The following COL23A1 variants were observed in gnomAD, a reference collection of about 807,000 sequenced individuals.
COL23A1 encodes the protein collagen type XXIII alpha 1 chain.
In COL23A1, 97 loss-of-function variants were observed where a neutral mutation model predicts 99.3. That is an observed-to-expected ratio of 0.98 (90% CI 0.83 to 1.16). COL23A1 has a LOEUF of 1.16. Ranked by LOEUF, COL23A1 falls within the 50% of genes most tolerant of loss-of-function variation. The pLI is 0.00. For missense variants in COL23A1, 762 were observed against 757.4 expected (o/e 1.01, Z -0.07); for synonymous variants, 320 against 308.2 (o/e 1.04, Z -0.40).
At chr5:178,291,085 C>T (rs1441405664) in intron 3 of COL23A1, among the ~76,000 whole-genome samples, 1 of 152,204 alleles carries the variant, frequency 6.6e-6, no homozygotes, top group Non-Finnish European at 1.5e-5. Flanking sequence ...TTGTGTGGGG[C>T]CACATCGTTG....
intron 2 of COL23A1, among the ~76,000 whole-genome samples, chr5:178,324,993 C>T (rs1348579502): frequency 3.3e-5 from 5 of 151,882 alleles, no homozygotes; most frequent in Non-Finnish European, 7.4e-5. Context: ...TAACCATGAA[C>T]CTCACAAACA....
intron 1 of COL23A1, among the ~76,000 whole-genome samples, chr5:178,563,525 AC>A (rs1411495856): frequency 2.0e-5 from 1 of 51,080 alleles, no homozygotes; most frequent in Non-Finnish European, 3.5e-5. Context: ...CTCAGAACTC[AC>A]TTTTTTTTTT....
At chr5:178,491,476 C>G (rs1157350014) in intron 2 of COL23A1, among the ~76,000 whole-genome samples, 2 of 152,070 alleles carry the variant, frequency 1.3e-5, no homozygotes, top group African/African-American at 4.8e-5. Flanking sequence ...TGGAGCCACC[C>G]ACTGCCTACA....
rs1429250108 is a variant in COL23A1 at position 178,252,692 on chromosome 5, C to T, written c.961-95G>A. The T allele has an allele frequency of 2.8e-5, 30 of 1,074,150 alleles. 1 individual carries two copies. Among genetic ancestry groups the T allele is most frequent in the Non-Finnish European group, 3.3e-5 (24 of 730,798 alleles). 66.5% of individuals were successfully genotyped at this position (1,074,150 alleles called of 1,614,324 possible). A position where few individuals can be genotyped will look rare whatever the true frequency, so the allele number is the denominator to read the frequency against. On this transcript the variant is annotated intron_variant, in intron 16 of 28. Transcript: ENST00000390654. ...CCCCACCTGGAATCAAGTCCCCGTCCAGCTGAGCAGAGCAGGGGCAGGGTC... is the reference window on the plus strand; with the variant it reads ...CCCCACCTGGAATCAAGTCCCCGTCTAGCTGAGCAGAGCAGGGGCAGGGTC...
intron 2 of COL23A1, among the ~76,000 whole-genome samples, chr5:178,374,026 G>A (rs969964923): frequency 9.9e-5 from 15 of 152,174 alleles, no homozygotes; most frequent in African/African-American, 2.2e-4. Flanking sequence ...TGATTTGGAC[G>A]CGTTCTCACA....
chr5:178,265,608 G>T, intron 8 of COL23A1: 1 of 915,828 alleles, frequency 1.1e-6, no homozygotes, highest in Non-Finnish European at 1.3e-6. Flanking sequence ...TGAGTTGGGG[G>T]TAACACAGCA....
rs938220323 is a variant in COL23A1 at position 178,281,129 on chromosome 5, A to G, written c.441+7195T>C. 6.6e-6 allele frequency among the ~76,000 whole-genome samples: 1 copy of G among 152,186 alleles called. No individual in the cohort carries two copies. Among genetic ancestry groups the G allele is most frequent in the Non-Finnish European group, 1.5e-5 (1 of 68,030 alleles). ...TCGGCTTTCATCCGGTCTCAGCTTC[A>G]CTAGAATCTGGGGATTGTGGGGTGG... On this transcript the variant is annotated intron_variant, in intron 5 of 28. Transcript: ENST00000390654. This position sits in a 1 kb window ranked among gnomAD's most constrained non-coding sequence, Gnocchi z 4.0.
rs1344318582 is a variant in COL23A1, at chr5:178,246,280, C to T, written c.1387G>A (p.Gly463Arg). 48 of 1,554,968 alleles carry T rather than the reference C, an allele frequency of 3.1e-5. No homozygotes were observed. Among genetic ancestry groups the T allele is most frequent in the Non-Finnish European group, 4.2e-5 (48 of 1,148,374 alleles). Reference protein sequence around the residue: ...PGPVGPPGLIGLPGTKGEKGR... With the variant: ...PGPVGPPGLIRLPGTKGEKGR... ...TTCTCTCCTTTGGTTCCTGGCAGCCCAATAAGGCCCGGTGGGCCAACTGGC... is the reference window on the plus strand; with the variant it reads ...TTCTCTCCTTTGGTTCCTGGCAGCCTAATAAGGCCCGGTGGGCCAACTGGC... The change falls in exon 24 of 29, where the codon GGG becomes AGG. Residue 463 changes from glycine to arginine, a missense_variant. Transcript: ENST00000390654.
chr5:178,472,954 A>G (rs185071990), intron 2 of COL23A1, among the ~76,000 whole-genome samples: 12 of 152,280 alleles, frequency 7.9e-5, no homozygotes, highest in Admixed American at 4.6e-4. Context: ...GTGAGACTCT[A>G]TCTCTACAAA....
chr5:178,440,383 T>A (rs1249631484), intron 2 of COL23A1, among the ~76,000 whole-genome samples: 1 of 152,074 alleles, frequency 6.6e-6, no homozygotes, highest in Non-Finnish European at 1.5e-5. Context: ...CTCCATCTCA[T>A]CCTTCAACAC....
chr5:178,411,639 G>A lies in COL23A1; in HGVS notation c.362-104720C>T, dbSNP rs4385225. Among the ~76,000 whole-genome samples, 1,449 of 152,312 alleles carry A rather than the reference G, an allele frequency of 9.5e-3. 21 individuals are homozygous for A. The highest frequency in any genetic ancestry group is 0.033 in the African/African-American group (1,388 of 41,570). On this transcript the variant is annotated intron_variant, in intron 2 of 28. Coordinates refer to ENST00000390654, the MANE Select transcript of COL23A1 (RefSeq NM_173465.4). The stretch of plus-strand genomic sequence containing the variant: ...CCAGGAGCTGGGAGGAGGGGGAAAT[G>A]GGGGATGAATGACTGCTCAATGGGT...
intron 9 of COL23A1, 148 bp from the exon 10 acceptor site, chr5:178,262,400 C>T: frequency 1.4e-6 from 1 of 719,780 alleles, no homozygotes. Flanking sequence ...TCACTGTCCC[C>T]ACTCCACAGA....
chr5:178,322,492 G>A (rs1177061586), intron 2 of COL23A1, among the ~76,000 whole-genome samples: 1 of 152,102 alleles, frequency 6.6e-6, no homozygotes, highest in Non-Finnish European at 1.5e-5. Flanking sequence ...CCATCCCAAA[G>A]GCCATTTCCC....
chr5:178,246,393 G>C lies in COL23A1; in HGVS notation c.1357C>G (p.Pro453Ala). The C allele has an allele frequency of 3.8e-6, 6 of 1,578,422 alleles. No individual in the cohort carries two copies. The South Asian group carries it at 7.0e-5, about 18-fold the overall frequency. Residue 453 changes from proline to alanine, a missense_variant and splice_region_variant, in exon 23 of 29, where the codon CCT (proline) becomes GCT (alanine). Transcript: ENST00000390654. Reference protein sequence around the residue: ...ASGERGPSGLPGPVGPPGLIG... With the variant: ...ASGERGPSGLAGPVGPPGLIG... ...CAAACAACGCTTGTGAGACTCACAG[G>C]CAGGCCGCTGGGGCCTCTCTCACCC...
At chr5:178,526,050 G>A (rs570904705) in intron 2 of COL23A1, among the ~76,000 whole-genome samples, 29 of 152,346 alleles carry the variant, frequency 1.9e-4, no homozygotes, top group African/African-American at 6.5e-4. Flanking sequence ...GAGTGTCCTC[G>A]GAGTGCTGGG....
intron 2 of COL23A1, among the ~76,000 whole-genome samples, chr5:178,325,312 C>T (rs946644392): frequency 1.5e-5 from 2 of 132,924 alleles, no homozygotes; most frequent in African/African-American, 6.1e-5. Context: ...ACAGGTTCCC[C>T]GCTGTCTTTG....
chr5:178,257,712 GC>G, intron 12 of COL23A1, 145 bp from the exon 13 acceptor site: 1 of 809,756 alleles, frequency 1.2e-6, no homozygotes, highest in Non-Finnish European at 2.1e-6. Context: ...CACCCTCCTT[GC>G]CCCTCCAGGG....
chr5:178,563,417 A>G (rs1327889367), intron 1 of COL23A1, among the ~76,000 whole-genome samples: 1 of 151,820 alleles, frequency 6.6e-6, no homozygotes, highest in Non-Finnish European at 1.5e-5. Context: ...AGTGGAGTCC[A>G]TGAGGGGCTG....
At chr5:178,265,714 G>C in intron 8 of COL23A1, 1 of 985,806 alleles carries the variant, frequency 1.0e-6, no homozygotes, top group Non-Finnish European at 1.2e-6. Context: ...GGATTGAGCC[G>C]TGGGAAAACC....
Sources: gnomAD v4.1 joint callset for allele counts (sites outside exome capture counted in the v4.1 genomes callset) on GRCh38, gnomAD v4.1.1 for gene constraint, Gnocchi (gnomAD v3.1) non-coding constraint, MANE v1.5 for transcripts, NCBI Gene and HGNC (gene_info 2026-07-23, HGNC 2026-07-21) for gene names.